Variants in AFF1 observed in about 807,000 individuals in gnomAD.
The protein encoded by AFF1 is AF4/FMR2 family member 1.
Under a neutral mutation model 121.7 loss-of-function variants are expected in AFF1, and 48 were observed. The ratio of observed to expected loss-of-function variants is 0.39; its 90% CI spans 0.31 to 0.50. The LOEUF (loss-of-function observed/expected upper bound fraction) is 0.50, where lower values mean the gene tolerates loss of function less well. AFF1 is among the 20% of genes least tolerant of loss of function. AFF1 has a pLI of 0.76. For missense variants in AFF1, 1,523 were observed against 1,511.7 expected, an observed-to-expected ratio of 1.01 and a Z score of -0.12; for synonymous variants, 613 against 563.0, an observed-to-expected ratio of 1.09 and a Z score of -1.26.
intron 1 of AFF1, among the ~76,000 whole-genome samples, chr4:86,946,261 A>G (rs981990015): frequency 4.6e-5 from 7 of 151,786 alleles, no homozygotes; most frequent in Non-Finnish European, 7.4e-5. Flanking sequence ...CTGCACTCCC[A>G]TTTTGCTTTT....
intron 4 of AFF1, among the ~76,000 whole-genome samples, chr4:87,064,993 C>T (rs1721190981): frequency 6.6e-6 from 1 of 151,948 alleles, no homozygotes; most frequent in Admixed American, 6.6e-5. Flanking sequence ...GAGCTGTGTT[C>T]GTGCCACTGC....
intron 4 of AFF1, among the ~76,000 whole-genome samples, chr4:87,071,786 C>T (rs186086524): frequency 6.6e-6 from 1 of 152,276 alleles, no homozygotes; most frequent in African/African-American, 2.4e-5. Context: ...GATCTCTTCT[C>T]TGTCACTTAG....
intron 12 of AFF1, among the ~76,000 whole-genome samples, chr4:87,119,016 CAG>C (rs1338014662): frequency 6.0e-5 from 7 of 117,146 alleles, no homozygotes; most frequent in Non-Finnish European, 1.1e-4. Flanking sequence ...GGGGACCAAT[CAG>C]AGTTACTTTC....
chr4:87,028,051 C>G (rs1312871006), intron 2 of AFF1, among the ~76,000 whole-genome samples: 1 of 151,580 alleles, frequency 6.6e-6, no homozygotes, highest in Non-Finnish European at 1.5e-5. Context: ...ATTAGTAGTG[C>G]TAAATGCCAG....
intron 2 of AFF1, among the ~76,000 whole-genome samples, chr4:87,000,255 G>A (rs1307499753): frequency 2.0e-5 from 3 of 152,144 alleles, no homozygotes; most frequent in African/African-American, 7.2e-5. Flanking sequence ...CTCCTTTGAA[G>A]GGAAAACAGC....
At chr4:87,057,931 T>C (rs1206563752) in intron 4 of AFF1, among the ~76,000 whole-genome samples, 1 of 152,056 alleles carries the variant, frequency 6.6e-6, no homozygotes, top group Non-Finnish European at 1.5e-5. Context: ...CCTGATGGCT[T>C]AGTTGCTCTG....
At position 87,111,012 on chromosome 4, in the gene AFF1, A is replaced by ATTTTTTTATTTTTTTTTTTTTT. The variant is rs1726457420; in HGVS notation, c.1533+2704_1533+2705insATTTTTTTTTTTTTTTTTTTTT. Among the ~76,000 whole-genome samples the ATTTTTTTATTTTTTTTTTTTTT allele has an allele frequency of 6.8e-5, 2 of 29,278 alleles. 1 individual carries two copies. Among genetic ancestry groups the ATTTTTTTATTTTTTTTTTTTTT allele is most frequent in the African/African-American group, 1.8e-4 (2 of 11,232 alleles). The allele number at this position is 29,278 out of a possible 152,430, so 19.2% of individuals were successfully genotyped here. A position where few individuals can be genotyped will look rare whatever the true frequency, so the allele number is the denominator to read the frequency against. On this transcript the variant is annotated intron_variant, in intron 11 of 20. Transcript: ENST00000395146. ...ACTTAAACTTTATTTTTTTTTTTTT[A>ATTTTTTTATTTTTTTTTTTTTT]TTTTTTTTTTTTTGAGACGGAGTCT... is the stretch of plus-strand genomic sequence containing the variant.
intron 5 of AFF1, 79 bp from the exon 6 acceptor site, chr4:87,089,905 A>G (rs1458024394): frequency 2.8e-6 from 3 of 1,082,434 alleles, no homozygotes; most frequent in African/African-American, 1.6e-5. Context: ...TCCATTCTAC[A>G]TTAAGTTCAA....
In AFF1 at chr4:86,995,965, C is replaced by T. The variant is rs1440037084; in HGVS notation, c.38+47394C>T. On this transcript the variant is annotated intron_variant, in intron 2 of 20. Transcript: ENST00000395146. ...GAGGAGCGTCTCTGCCCGGCCGCCCCGTCTGAGAAGTGAGGAGCCCCTCCG... is the reference window on the plus strand; with the variant it reads ...GAGGAGCGTCTCTGCCCGGCCGCCCTGTCTGAGAAGTGAGGAGCCCCTCCG... Among the ~76,000 whole-genome samples the T allele has an allele frequency of 2.5e-5, 3 of 119,510 alleles. No homozygotes were observed. In the Admixed American group the frequency reaches 2.5e-4, roughly 10 times the overall value. 78.4% of individuals were successfully genotyped at this position (119,510 alleles called of 152,430 possible).
chr4:86,950,234 A>G (rs1319238742), intron 2 of AFF1: 7 of 945,292 alleles, frequency 7.4e-6, no homozygotes, highest in Non-Finnish European at 1.2e-5. Context: ...GCTGGAGTGC[A>G]GTGCCATGAT....
intron 2 of AFF1, among the ~76,000 whole-genome samples, chr4:87,044,447 G>A (rs1375826980): frequency 6.6e-6 from 1 of 152,194 alleles, no homozygotes; most frequent in Non-Finnish European, 1.5e-5. Context: ...GGAGAAGGGA[G>A]GAGGAGAGAG....
intron 1 of AFF1, among the ~76,000 whole-genome samples, chr4:86,941,121 T>C (rs555021633): frequency 1.4e-4 from 21 of 152,252 alleles, no homozygotes; most frequent in Admixed American, 3.9e-4. Context: ...GGGAGAGTTT[T>C]ATCTTGATTA....
intron 4 of AFF1, chr4:87,049,864 T>C (rs910200007): frequency 2.6e-6 from 1 of 390,802 alleles, no homozygotes; most frequent in African/African-American, 2.1e-5. Flanking sequence ...GAAGGAGTCG[T>C]CAATCCGGGA....
chr4:87,071,985 T>C (rs1448747542), intron 4 of AFF1, among the ~76,000 whole-genome samples: 1 of 152,088 alleles, frequency 6.6e-6, no homozygotes, highest in Non-Finnish European at 1.5e-5. Context: ...CTTGGTTGTG[T>C]GTGTGTGTCG....
chr4:87,012,302 C>G (rs1726858689), intron 2 of AFF1, among the ~76,000 whole-genome samples: 1 of 146,228 alleles, frequency 6.8e-6, no homozygotes, highest in African/African-American at 2.5e-5. Context: ...TCTCGAACTC[C>G]TGACATCAGG....
intron 4 of AFF1, among the ~76,000 whole-genome samples, chr4:87,074,222 T>C (rs954709272): frequency 1.1e-4 from 16 of 152,144 alleles, no homozygotes; most frequent in Non-Finnish European, 1.3e-4. Context: ...ATAGATCATA[T>C]AGCTTAGGCC....
chr4:86,953,044 T>C (rs1721484875), intron 2 of AFF1, among the ~76,000 whole-genome samples: 1 of 150,730 alleles, frequency 6.6e-6, no homozygotes, highest in East Asian at 2.0e-4. Context: ...AAAGATACTT[T>C]ATATTCTATG....
At chr4:86,991,043 T>C (rs1724661971) in intron 2 of AFF1, among the ~76,000 whole-genome samples, 1 of 152,004 alleles carries the variant, frequency 6.6e-6, no homozygotes, top group African/African-American at 2.4e-5. Context: ...TCCCAGCTAC[T>C]CAGGAGGCTG....
At chr4:87,096,839 G>A (rs961679278) in intron 8 of AFF1, among the ~76,000 whole-genome samples, 18 of 152,054 alleles carry the variant, frequency 1.2e-4, no homozygotes, top group African/African-American at 4.3e-4. Context: ...AAACTGCTGG[G>A]CTCAAGTGAT....
Sources: allele counts gnomAD v4.1 joint callset (sites outside exome capture counted in the v4.1 genomes callset), GRCh38; gene constraint gnomAD v4.1.1; transcripts MANE v1.5; gene names NCBI Gene and HGNC (gene_info 2026-07-23, HGNC 2026-07-21).